HDAC9: variants seen among roughly 807,000 people sequenced by gnomAD.
HDAC9 encodes MEF-2 interacting transcription repressor (MITR) protein.
A neutral mutation model predicts 139.4 loss-of-function variants in HDAC9; 41 were observed. That is an observed-to-expected ratio of 0.29 (90% CI 0.23 to 0.38). The LOEUF is 0.38. Ranked by LOEUF, HDAC9 falls within the 10% of genes least tolerant of loss-of-function variation. HDAC9 has a pLI of 1.00. For synonymous variants in HDAC9, 517 were observed against 476.2 expected (o/e 1.09, Z -1.12); for missense variants, 1,147 against 1,297.0 (o/e 0.88, Z 1.78).
intron 12 of HDAC9, among the ~76,000 whole-genome samples, chr7:18,687,863 A>G (rs1381502049): frequency 1.3e-5 from 2 of 151,836 alleles, no homozygotes; most frequent in African/African-American, 4.8e-5. Flanking sequence ...GTCTCTTATA[A>G]TAAAGATTGT....
At chr7:18,157,405 T>G (rs1787291159) in intron 1 of HDAC9, among the ~76,000 whole-genome samples, 2 of 152,148 alleles carry the variant, frequency 1.3e-5, no homozygotes, top group Admixed American at 6.5e-5. Flanking sequence ...TGAAGGCACT[T>G]GAATACCAAC....
chr7:18,385,147 G>A (rs181370701), intron 1 of HDAC9, among the ~76,000 whole-genome samples: 31 of 152,154 alleles, frequency 2.0e-4, no homozygotes, highest in Admixed American at 6.5e-4. Flanking sequence ...ATAGACATTC[G>A]AGAACCCTTA....
chr7:18,357,537 C>T (rs1366595447), intron 1 of HDAC9, among the ~76,000 whole-genome samples: 1 of 151,826 alleles, frequency 6.6e-6, no homozygotes, highest in African/African-American at 2.4e-5. Flanking sequence ...GTATAGGAGA[C>T]AGACAAAACA....
At chr7:18,163,864 GATA>G (rs1408234164) in intron 2 of HDAC9, among the ~76,000 whole-genome samples, 1 of 152,084 alleles carries the variant, frequency 6.6e-6, no homozygotes, top group East Asian at 1.9e-4. Flanking sequence ...TTTTTCTTGT[GATA>G]ATATTTGGCA....
At chr7:18,744,077 C>T (rs1489417240) in intron 13 of HDAC9, among the ~76,000 whole-genome samples, 1 of 141,728 alleles carries the variant, frequency 7.1e-6, no homozygotes, top group African/African-American at 2.6e-5. Flanking sequence ...AGTGCAACAG[C>T]ACTCCCAGGT....
At chr7:18,272,201 A>G (rs962338205) in intron 2 of HDAC9, among the ~76,000 whole-genome samples, 3 of 152,134 alleles carry the variant, frequency 2.0e-5, no homozygotes, top group Non-Finnish European at 4.4e-5. Context: ...AGTTTCATCA[A>G]ATATTTTCCT....
At chr7:18,256,264 G>C (rs1240957638) in intron 2 of HDAC9, among the ~76,000 whole-genome samples, 3 of 152,140 alleles carry the variant, frequency 2.0e-5, no homozygotes, top group Non-Finnish European at 4.4e-5. Context: ...TGGGGTGGTA[G>C]GTGAAGTGAG....
chr7:18,652,695 T>C (rs767149606), intron 11 of HDAC9, among the ~76,000 whole-genome samples: 8 of 152,182 alleles, frequency 5.3e-5, no homozygotes, highest in Non-Finnish European at 1.0e-4. Flanking sequence ...CTATTTTAAC[T>C]AGAATATTAA....
In HDAC9 at chr7:18,967,604, A is replaced by G. The variant is rs148082503; in HGVS notation, c.3023-8202A>G. ...TAAAATCATTTGGTTTTGCATTGAT[A>G]TACAAATCTAAAGTTCGGTGGAACA... On this transcript the variant is annotated intron_variant, in intron 24 of 25. Coordinates refer to ENST00000686413, the MANE Select transcript of HDAC9 (RefSeq NM_178425.4). Among the ~76,000 whole-genome samples the G allele has an allele frequency of 3.1e-3, 464 of 151,064 alleles. 2 individuals carry two copies. Among genetic ancestry groups the G allele is most frequent in the African/African-American group, 0.01 (429 of 41,152 alleles).
At chr7:18,643,335 G>A (rs1786332210) in intron 8 of HDAC9, among the ~76,000 whole-genome samples, 1 of 152,068 alleles carries the variant, frequency 6.6e-6, no homozygotes, top group African/African-American at 2.4e-5. Context: ...TGCATATAAA[G>A]TCAATGTAAT....
At chr7:18,481,046 C>T (rs1795508072) in intron 1 of HDAC9, among the ~76,000 whole-genome samples, 1 of 152,154 alleles carries the variant, frequency 6.6e-6, no homozygotes, top group Admixed American at 6.5e-5. Flanking sequence ...CCTCAGTCCC[C>T]ATCACCCCGC....
intron 22 of HDAC9, among the ~76,000 whole-genome samples, chr7:18,889,040 C>G (rs1357238986): frequency 6.6e-6 from 1 of 152,152 alleles, no homozygotes; most frequent in African/African-American, 2.4e-5. Flanking sequence ...GCTTTATATT[C>G]TTTTCCTGCA....
chr7:18,203,444 A>C (rs1381677156), intron 2 of HDAC9, among the ~76,000 whole-genome samples: 1 of 152,198 alleles, frequency 6.6e-6, no homozygotes, highest in African/African-American at 2.4e-5. Context: ...ACAGATCTTA[A>C]GAAGCATAAA....
chr7:18,814,549 A>G (rs1282017335), intron 17 of HDAC9, among the ~76,000 whole-genome samples: 1 of 152,052 alleles, frequency 6.6e-6, no homozygotes. Flanking sequence ...CACCTCTGTA[A>G]TTTTATATGG....
At chr7:18,991,697 C>G (rs1180085569) in intron 25 of HDAC9, among the ~76,000 whole-genome samples, 1 of 151,686 alleles carries the variant, frequency 6.6e-6, no homozygotes, top group Non-Finnish European at 1.5e-5. Flanking sequence ...ATGACACATA[C>G]TTATGAAAGT....
At chr7:18,763,064 A>C (rs1017406600) in intron 15 of HDAC9, among the ~76,000 whole-genome samples, 3 of 152,150 alleles carry the variant, frequency 2.0e-5, no homozygotes, top group Non-Finnish European at 4.4e-5. Flanking sequence ...TCATGTTTTA[A>C]ATGTTTTAAC....
chr7:18,761,540 C>G (rs144885825), intron 14 of HDAC9, among the ~76,000 whole-genome samples: 9 of 152,192 alleles, frequency 5.9e-5, no homozygotes, highest in Non-Finnish European at 1.0e-4. Flanking sequence ...TGTCAAATTG[C>G]CATAAAAGTT....
chr7:18,806,847 C>T (rs1490292793), intron 17 of HDAC9, among the ~76,000 whole-genome samples: 2 of 152,016 alleles, frequency 1.3e-5, no homozygotes, highest in African/African-American at 4.8e-5. Context: ...TCATAATGTG[C>T]TTTCAATTTG....
chr7:18,961,928 A>G (rs1303100014), intron 24 of HDAC9, among the ~76,000 whole-genome samples: 1 of 152,100 alleles, frequency 6.6e-6, no homozygotes, highest in Non-Finnish European at 1.5e-5. Flanking sequence ...TTTTGGGTTG[A>G]GTTTTTCCCA....
Sources: allele counts gnomAD v4.1 joint callset (sites outside exome capture counted in the v4.1 genomes callset), GRCh38; gene constraint gnomAD v4.1.1; transcripts MANE v1.5; gene names NCBI Gene and HGNC (gene_info 2026-07-23, HGNC 2026-07-21).